The following AARS1 variants were observed in gnomAD, a reference collection of about 807,000 sequenced individuals.
AARS1 encodes alanyl-tRNA synthetase 1, also known as alanine--tRNA ligase, cytoplasmic.
AARS1 carries 72 observed loss-of-function variants against 108.9 expected under a neutral mutation model. The observed-to-expected ratio is 0.66, with a 90% CI of 0.55 to 0.80. The LOEUF (loss-of-function observed/expected upper bound fraction) is 0.80. Ranked by LOEUF, AARS1 falls within the 30% of genes least tolerant of loss-of-function variation. AARS1 has a pLI of 0.00. For missense variants in AARS1, 1,193 were observed against 1,233.2 expected (o/e 0.97, Z 0.49); for synonymous variants, 489 against 465.7 (o/e 1.05, Z -0.64).
intron 4 of AARS1, among the ~76,000 whole-genome samples, chr16:70,272,888 T>TCACACACA (rs1458700265): frequency 1.1e-4 from 6 of 55,536 alleles, no homozygotes; most frequent in Admixed American, 7.8e-4. Flanking sequence ...CCAGCCTGGG[T>TCACACACA]GACACACACA....
chr16:70,266,478 AGAGT>A (rs778603886), intron 9 of AARS1, among the ~76,000 whole-genome samples: 1 of 151,288 alleles, frequency 6.6e-6, no homozygotes, highest in Non-Finnish European at 1.5e-5. Context: ...CCTGGGCAAC[AGAGT>A]GAGACTCCAT....
intron 4 of AARS1, among the ~76,000 whole-genome samples, chr16:70,274,782 A>G (rs1960496992): frequency 1.3e-5 from 2 of 152,014 alleles, no homozygotes; most frequent in Non-Finnish European, 2.9e-5. Flanking sequence ...ACATACACAC[A>G]AGGTTACAGA....
intron 4 of AARS1, among the ~76,000 whole-genome samples, chr16:70,272,569 A>G (rs925513519): frequency 2.0e-5 from 3 of 150,456 alleles, no homozygotes; most frequent in East Asian, 2.0e-4. Context: ...ACTCTTCTCA[A>G]GAGTGCCTAC....
chr16:70,272,261 T>C (rs1040658531), intron 4 of AARS1, among the ~76,000 whole-genome samples: 3 of 152,054 alleles, frequency 2.0e-5, no homozygotes, highest in Non-Finnish European at 4.4e-5. Flanking sequence ...TCCCAGCATT[T>C]TGGGAGGCCG....
intron 19 of AARS1, 112 bp from the exon 20 acceptor site, chr16:70,253,493 G>A: frequency 9.2e-7 from 1 of 1,088,542 alleles, no homozygotes; most frequent in Non-Finnish European, 1.4e-6. Flanking sequence ...TCCCAGAGCA[G>A]GGGCTGTGCC....
chr16:70,254,222 A>G (rs1959922453), intron 17 of AARS1, among the ~76,000 whole-genome samples, 184 bp from the exon 18 acceptor site: 1 of 152,222 alleles, frequency 6.6e-6, no homozygotes, highest in Non-Finnish European at 1.5e-5. Context: ...CTAGAGAGAA[A>G]GGAGCAGCAG....
At chr16:70,263,187 ATCTT>A (rs1349874345) in intron 11 of AARS1, among the ~76,000 whole-genome samples, 3 of 151,944 alleles carry the variant, frequency 2.0e-5, no homozygotes, top group Non-Finnish European at 4.4e-5. Flanking sequence ...AGATTAGTAG[ATCTT>A]TAAGAGTAGT....
intron 10 of AARS1, 37 bp from the exon 11 acceptor site, chr16:70,265,139 G>A: frequency 6.2e-7 from 1 of 1,612,926 alleles, no homozygotes; most frequent in East Asian, 2.2e-5. Flanking sequence ...TTACCGTAAA[G>A]TAGGAGAAAA....
intron 8 of AARS1, 58 bp from the exon 9 acceptor site, chr16:70,267,867 C>A: frequency 1.2e-6 from 2 of 1,612,380 alleles, no homozygotes; most frequent in East Asian, 2.2e-5. Context: ...TTCCCTGCCC[C>A]GTCTTAAAAA....
At chr16:70,262,995 A>AAAAAAAAAAAAAAC (rs1174659809) in intron 11 of AARS1, among the ~76,000 whole-genome samples, 6 of 128,676 alleles carry the variant, frequency 4.7e-5, no homozygotes, top group Non-Finnish European at 6.0e-5. Context: ...AAAAAAAAAA[A>AAAAAAAAAAAAAAC]AAACAACAAC....
In AARS1 at chr16:70,259,019, C is replaced by G. The variant is rs771099188; in HGVS notation, c.1953G>C (p.Lys651Asn). ...KGAMSTQQIK[K>N]AEEIANEMIE... Reference sequence around the variant, plus strand: ...TCATCTCATTAGCAATCTCTTCAGCCTTCTTGATCTGTTGGGTGGACATGG... The same window carrying G: ...TCATCTCATTAGCAATCTCTTCAGCGTTCTTGATCTGTTGGGTGGACATGG... Residue 651 changes from lysine (K) to asparagine (N), a missense_variant, in exon 14 of 21, where the codon AAG (lysine) becomes AAC (asparagine). By Grantham distance (94) the Lys-to-Asn change is moderately conservative (BLOSUM62 0). Transcript: ENST00000261772. The G allele has an allele frequency of 6.2e-7, 1 of 1,614,088 alleles. No homozygotes were observed. Among genetic ancestry groups the G allele is most frequent in the Non-Finnish European group, 8.5e-7 (1 of 1,180,050 alleles).
chr16:70,264,731 AT>A lies in AARS1; in HGVS notation c.1492+226del, dbSNP rs113142906. Among the ~76,000 whole-genome samples, 134 of 147,384 alleles carry A rather than the reference AT, an allele frequency of 9.1e-4. 1 individual carries two copies. The highest frequency in any genetic ancestry group is 1.9e-3 in the South Asian group (9 of 4,648). The stretch of plus-strand genomic sequence containing the variant: ...AAAGGGTGTGAGACCCTTCCTACAA[AT>A]TTTTTTTTTTTACAACTTCCTGTGA... On this transcript the variant is annotated intron_variant, in intron 11 of 20. Transcript: ENST00000261772.
At position 70,264,713 on chromosome 16, in the gene AARS1, G is replaced by T. The variant is rs149716610; in HGVS notation, c.1492+245C>A. On this transcript the variant is annotated intron_variant, in intron 11 of 20. Transcript: ENST00000261772. ...ATTAGGGGAAACTGGATAAAAGGGT[G>T]TGAGACCCTTCCTACAAATTTTTTT... is the stretch of plus-strand genomic sequence containing the variant. 5.2e-4 allele frequency among the ~76,000 whole-genome samples: 78 copies of T among 151,334 alleles called. 3 individuals carry two copies. In the East Asian group the frequency reaches 0.014, roughly 26 times the overall value.
At position 70,264,944 on chromosome 16, in the gene AARS1, G is replaced by C. The variant is rs1177726856; in HGVS notation, c.1492+14C>G. On this transcript the variant is annotated intron_variant, in intron 11 of 20. Coordinates refer to ENST00000261772, the MANE Select transcript of AARS1 (RefSeq NM_001605.3). ...GGCAGAATGCTCAGATGTGGAAGGA[G>C]CACAGCAACATACCATAGCTACCAC... The C allele has an allele frequency of 6.2e-7, 1 of 1,613,934 alleles. No homozygotes were observed. The highest frequency in any genetic ancestry group is 1.3e-5 in the African/African-American group (1 of 74,910).
At chr16:70,275,936 C>CAAAAAAAAAAAAAAAAAAA (rs59002209) in intron 4 of AARS1, 5 of 37,924 alleles carry the variant, frequency 1.3e-4, no homozygotes, top group African/African-American at 5.3e-4. Context: ...GACTCCATCT[C>CAAAAAAAAAAAAAAAAAAA]AAAAAAAAAA....
chr16:70,256,741 T>C (rs745902545), intron 15 of AARS1, among the ~76,000 whole-genome samples: 34 of 152,148 alleles, frequency 2.2e-4, no homozygotes, highest in Admixed American at 1.3e-4. Context: ...GCCCCTATCC[T>C]ACTCTCTGCA....
chr16:70,288,099 T>C (rs796908564), intron 1 of AARS1, among the ~76,000 whole-genome samples: 13 of 16,600 alleles, frequency 7.8e-4, no homozygotes, highest in South Asian at 6.0e-3. Flanking sequence ...CCCCTTCTTC[T>C]TTTTTTTTTT....
chr16:70,285,273 ATTACTT>A (rs1201536349), intron 1 of AARS1, among the ~76,000 whole-genome samples: 3 of 151,430 alleles, frequency 2.0e-5, no homozygotes, highest in Admixed American at 1.3e-4. Flanking sequence ...AATGGATAAT[ATTACTT>A]TTAAGTTGTT....
chr16:70,277,758 CTT>C (rs573677725), intron 2 of AARS1, among the ~76,000 whole-genome samples: 14 of 137,728 alleles, frequency 1.0e-4, no homozygotes, highest in Admixed American at 1.5e-4. Flanking sequence ...CCACTAGACA[CTT>C]TTTTTTTTTT....
Sources: gnomAD v4.1 joint callset for allele counts (sites outside exome capture counted in the v4.1 genomes callset) on GRCh38, gnomAD v4.1.1 for gene constraint, MANE v1.5 for transcripts, NCBI Gene and HGNC (gene_info 2026-07-23, HGNC 2026-07-21) for gene names.